The following TCF12 variants were observed in gnomAD, a reference collection of about 807,000 sequenced individuals.
The protein encoded by TCF12 is transcription factor 12, also known as DNA-binding protein HTF4.
Under a neutral mutation model 86.0 loss-of-function variants are expected in TCF12, and 45 were observed. That is an observed-to-expected ratio of 0.52 (90% CI 0.41 to 0.67). The LOEUF (loss-of-function observed/expected upper bound fraction) is 0.67, where lower values mean the gene tolerates loss of function less well. TCF12 is among the 30% of genes least tolerant of loss of function. The pLI is 0.00. For missense variants in TCF12, 881 were observed against 859.9 expected, an observed-to-expected ratio of 1.02 and a Z score of -0.31; for synonymous variants, 330 against 299.6, an observed-to-expected ratio of 1.10 and a Z score of -1.05.
rs2059729113 is a variant in TCF12, at chr15:57,243,652, A to G, written c.1114+102A>G. 44 of 1,033,272 alleles carry G rather than the reference A, an allele frequency of 4.3e-5. No individual in the cohort carries two copies. The South Asian group carries it at 6.2e-4, about 15-fold the overall frequency. The allele number at this position is 1,033,272 out of a possible 1,614,324, so 64.0% of individuals were successfully genotyped here. ...CTTTAATAAAAATTTGTGAAAAATC[A>G]TTTAGATTTTGACTATAAGAAAGTG... On this transcript the variant is annotated intron_variant, in intron 13 of 20. Transcript: ENST00000333725.
intron 4 of TCF12, among the ~76,000 whole-genome samples, chr15:57,086,187 C>A (rs1481253607): frequency 1.5e-5 from 2 of 133,852 alleles, no homozygotes; most frequent in East Asian, 4.3e-4. Flanking sequence ...ATTTGTAAGA[C>A]ATAATCTCTA....
At chr15:57,239,020 G>GA (rs2059493312) in intron 12 of TCF12, among the ~76,000 whole-genome samples, 1 of 152,100 alleles carries the variant, frequency 6.6e-6, no homozygotes, top group Admixed American at 6.5e-5. Flanking sequence ...TTTAGAAAAT[G>GA]AAAAAAATAT....
In TCF12 at chr15:57,180,835, G is replaced by A. The variant is rs1186157802; in HGVS notation, c.391-11323G>A. Among the ~76,000 whole-genome samples, 10 of 53,460 alleles carry A rather than the reference G, an allele frequency of 1.9e-4. 1 individual carries two copies. The highest frequency in any genetic ancestry group is 1.4e-3 in the South Asian group (2 of 1,404). The allele number at this position is 53,460 out of a possible 152,430, so 35.1% of individuals were successfully genotyped here. Reference sequence around the variant, plus strand: ...TTTTTTTTTTTTTTTTTTTTTTTGAGATGGAGTCTCGCTCTGTCGCCCAGG... The same window carrying A: ...TTTTTTTTTTTTTTTTTTTTTTTGAAATGGAGTCTCGCTCTGTCGCCCAGG... On this transcript the variant is annotated intron_variant, in intron 6 of 20. Transcript: ENST00000333725.
At chr15:57,147,147 T>C (rs1255920833) in intron 5 of TCF12, among the ~76,000 whole-genome samples, 1 of 152,206 alleles carries the variant, frequency 6.6e-6, no homozygotes, top group Non-Finnish European at 1.5e-5. Flanking sequence ...ATTGGCTGAA[T>C]ATAATCCAAA....
In TCF12 at chr15:57,273,197, A is replaced by T. The variant is rs747455212; in HGVS notation, c.1913A>T (p.Gln638Leu). ...CQLHLKSEKP[Q>L]TKLLILHQAV... is the part of the protein sequence containing the mutation. The stretch of plus-strand genomic sequence containing the variant: ...CTTCACTTGAAGAGTGAAAAACCCC[A>T]AACAAAACTCCTTATTCTTCATCAA... The change falls in exon 19 of 21, where the codon CAA becomes CTA. Residue 638 changes from glutamine to leucine, a missense_variant. Physicochemically the swap from Gln to Leu is moderately radical, Grantham distance 113. Coordinates refer to ENST00000333725, the MANE Select transcript of TCF12 (RefSeq NM_207037.2). The T allele has an allele frequency of 6.2e-7, 1 of 1,614,102 alleles. No individual in the cohort carries two copies.
chr15:57,219,184 T>A, intron 8 of TCF12: 1 of 1,085,112 alleles, frequency 9.2e-7, no homozygotes, highest in Non-Finnish European at 1.1e-6. Context: ...TATGTATATA[T>A]GAGACAAATC....
At chr15:56,934,279 A>C (rs2060372852) in intron 3 of TCF12, among the ~76,000 whole-genome samples, 1 of 152,196 alleles carries the variant, frequency 6.6e-6, no homozygotes, top group Non-Finnish European at 1.5e-5. Context: ...GTCTGCTTCT[A>C]CTTTGTACTG....
At chr15:57,000,264 T>C (rs1815056714) in intron 3 of TCF12, among the ~76,000 whole-genome samples, 1 of 151,914 alleles carries the variant, frequency 6.6e-6, no homozygotes, top group African/African-American at 2.4e-5. Context: ...AGCCTCCGTC[T>C]CCTGGGCTGA....
chr15:57,189,038 C>T (rs1232823090), intron 6 of TCF12, among the ~76,000 whole-genome samples: 5 of 152,204 alleles, frequency 3.3e-5, no homozygotes, highest in African/African-American at 1.2e-4. Context: ...ATCTTCCTGC[C>T]TCAGCTTCCC....
chr15:57,219,172 TATATGTATATATGAGACAAA>T (rs2058462129), intron 8 of TCF12: 1 of 1,074,684 alleles, frequency 9.3e-7, no homozygotes, highest in Admixed American at 5.2e-5. Flanking sequence ...TGTGTGTGTA[TATATGTATATATGAGACAAA>T]TCTAATAATT....
At chr15:57,048,839 G>A (rs1288642898) in intron 3 of TCF12, among the ~76,000 whole-genome samples, 1 of 152,096 alleles carries the variant, frequency 6.6e-6, no homozygotes, top group Non-Finnish European at 1.5e-5. Flanking sequence ...AACTCAGTAA[G>A]CTTGATAAAT....
intron 3 of TCF12, among the ~76,000 whole-genome samples, chr15:56,940,538 T>C (rs539893544): frequency 1.4e-5 from 2 of 147,020 alleles, no homozygotes; most frequent in African/African-American, 5.2e-5. Context: ...TTCTCCTTCT[T>C]CTCCTTCTTC....
chr15:57,166,457 A>C lies in TCF12; in HGVS notation c.381A>C (p.Pro127=). 6.2e-7 allele frequency: 1 copy of C among 1,612,394 alleles called. No individual in the cohort carries two copies. Among genetic ancestry groups the C allele is most frequent in the East Asian group, 2.2e-5 (1 of 44,750 alleles). ...FSLYSRDTGL[P]GCQSSLLRQD... is the part of the protein sequence containing the mutation. ...TGTACAGCAGAGATACTGGATTACCAGGCTGTCAAGTAAGTTTAATGATTA... is the reference window on the plus strand; with the variant it reads ...TGTACAGCAGAGATACTGGATTACCCGGCTGTCAAGTAAGTTTAATGATTA... Residue 127 remains proline (P), a synonymous_variant, in exon 6 of 21, where the codon CCA becomes CCC. Transcript: ENST00000333725.
chr15:57,205,265 T>C (rs1166021727), intron 8 of TCF12, among the ~76,000 whole-genome samples: 8 of 152,242 alleles, frequency 5.3e-5, no homozygotes, highest in Admixed American at 4.6e-4. Context: ...ATCACGCCAC[T>C]GCACTCCAGC....
At chr15:56,958,993 G>A (rs1346718602) in intron 3 of TCF12, among the ~76,000 whole-genome samples, 1 of 152,180 alleles carries the variant, frequency 6.6e-6, no homozygotes, top group Non-Finnish European at 1.5e-5. Context: ...ATATTAGGCT[G>A]TCTTCTACAG....
intron 3 of TCF12, among the ~76,000 whole-genome samples, chr15:56,972,630 A>C (rs115441773): frequency 6.6e-6 from 1 of 152,180 alleles, no homozygotes; most frequent in Admixed American, 6.5e-5. Context: ...AGACACAGTT[A>C]GTAGGTTTAG....
chr15:57,189,366 A>G (rs1035639162), intron 6 of TCF12, among the ~76,000 whole-genome samples: 3 of 152,132 alleles, frequency 2.0e-5, no homozygotes, highest in East Asian at 3.9e-4. Flanking sequence ...TATCCAGAAT[A>G]TATAAACAAC....
chr15:57,250,203 A>G (rs1247668489), intron 13 of TCF12, among the ~76,000 whole-genome samples: 1 of 152,216 alleles, frequency 6.6e-6, no homozygotes, highest in African/African-American at 2.4e-5. Context: ...TGGGAAATTC[A>G]TTCATCTGTG....
Position 57,007,824 on chromosome 15 carries a change from C to T in TCF12, c.149-55926C>T, listed in dbSNP as rs796365341. ...TTTCTTTCTTTCTTTCTTTCTTTTT[C>T]TTTCTTTCTTTCTTTCTCTCTTTCC... On this transcript the variant is annotated intron_variant, in intron 3 of 20. Coordinates refer to ENST00000333725, the MANE Select transcript of TCF12 (RefSeq NM_207037.2). Among the ~76,000 whole-genome samples, 629 of 126,024 alleles carry T rather than the reference C, an allele frequency of 5.0e-3. 8 individuals are homozygous for T. Among genetic ancestry groups the T allele is most frequent in the Non-Finnish European group, 6.0e-3 (358 of 59,370 alleles). 82.7% of individuals were successfully genotyped at this position (126,024 alleles called of 152,430 possible).
Sources: gnomAD v4.1 joint callset for allele counts (sites outside exome capture counted in the v4.1 genomes callset) on GRCh38, gnomAD v4.1.1 for gene constraint, MANE v1.5 for transcripts, NCBI Gene and HGNC (gene_info 2026-07-23, HGNC 2026-07-21) for gene names.